The following HS3ST2 variants were observed in gnomAD, a reference collection of about 807,000 sequenced individuals.
The protein encoded by HS3ST2 is heparan sulfate glucosamine 3-O-sulfotransferase 2.
HS3ST2 carries 17 observed loss-of-function variants against 26.3 expected under a neutral mutation model. The observed-to-expected ratio is 0.65, with a 90% CI of 0.44 to 0.97. The LOEUF is 0.97. Among genes scored for constraint, HS3ST2 ranks in the 50% least tolerant of loss-of-function variants. The pLI, the probability that HS3ST2 is intolerant of heterozygous loss-of-function variation, is 0.00. For synonymous variants in HS3ST2, 237 were observed against 219.2 expected (o/e 1.08, Z -0.72); for missense variants, 402 against 501.2 (o/e 0.80, Z 1.89).
intron 1 of HS3ST2, among the ~76,000 whole-genome samples, chr16:22,846,160 C>T (rs1901429157): frequency 6.6e-6 from 1 of 151,960 alleles, no homozygotes; most frequent in South Asian, 2.1e-4. Context: ...GCCTGTAGTC[C>T]CAGCTACTTG....
chr16:22,849,495 A>G (rs1482171375), intron 1 of HS3ST2, among the ~76,000 whole-genome samples: 1 of 152,212 alleles, frequency 6.6e-6, no homozygotes, highest in Non-Finnish European at 1.5e-5. Context: ...GTTGTGCTGT[A>G]GTAACAACCA....
intron 1 of HS3ST2, among the ~76,000 whole-genome samples, chr16:22,900,200 G>C (rs1902264626): frequency 6.6e-6 from 1 of 152,204 alleles, no homozygotes; most frequent in African/African-American, 2.4e-5. Context: ...TCAGAGGAAG[G>C]ATAGAAAGCT....
intron 1 of HS3ST2, among the ~76,000 whole-genome samples, chr16:22,912,806 T>A (rs1902438991): frequency 6.6e-6 from 1 of 152,088 alleles, no homozygotes; most frequent in African/African-American, 2.4e-5. Context: ...GATGGTCACC[T>A]CGGGGCGTTG....
chr16:22,869,628 C>T (rs1239078695), intron 1 of HS3ST2, among the ~76,000 whole-genome samples: 1 of 152,118 alleles, frequency 6.6e-6, no homozygotes, highest in African/African-American at 2.4e-5. Flanking sequence ...AGAAACTCCC[C>T]CTTTTAAAAC....
At chr16:22,839,852 C>T (rs73543154) in intron 1 of HS3ST2, among the ~76,000 whole-genome samples, 2,439 of 152,192 alleles carry the variant, frequency 0.016, 69 homozygotes, top group African/African-American at 0.055. Context: ...ATCCTATTTC[C>T]GTGGAAGACG....
intron 1 of HS3ST2, among the ~76,000 whole-genome samples, chr16:22,876,783 G>A (rs1901925372): frequency 6.6e-6 from 1 of 152,146 alleles, no homozygotes; most frequent in Non-Finnish European, 1.5e-5. Flanking sequence ...TATATGCCAT[G>A]GAATACTACT....
intron 1 of HS3ST2, among the ~76,000 whole-genome samples, chr16:22,821,835 G>A (rs1004923789): frequency 1.3e-5 from 2 of 152,172 alleles, no homozygotes; most frequent in Non-Finnish European, 2.9e-5. Flanking sequence ...TTCTGAGGAA[G>A]TTATTATTAA....
chr16:22,895,842 C>T (rs1215122675), intron 1 of HS3ST2, among the ~76,000 whole-genome samples: 7 of 152,056 alleles, frequency 4.6e-5, no homozygotes, highest in Admixed American at 2.6e-4. Context: ...TTTTCTAATA[C>T]AGTAAATGAG....
chr16:22,842,089 T>C (rs1469692893), intron 1 of HS3ST2, among the ~76,000 whole-genome samples: 1 of 145,248 alleles, frequency 6.9e-6, no homozygotes, highest in Non-Finnish European at 1.5e-5. Context: ...TTTGAGACAG[T>C]ATCTTGCTGT....
chr16:22,915,408 C>T lies in HS3ST2; in HGVS notation c.950C>T (p.Thr317Ile), dbSNP rs1454817424. ...KTKGFPCLKK[T>I]ESSLLPRCLG... ...AAAGGATTCCCTTGCTTGAAAAAAA[C>T]AGAATCGAGCCTCCTGCCTCGATGC... The change falls in exon 2 of 2, where the codon ACA (threonine) becomes ATA (isoleucine). Residue 317 changes from threonine (T) to isoleucine (I), a missense_variant. Around this residue, in one of 2 missense-constraint regions of HS3ST2, gnomAD observed 237 missense variants for 346.6 expected, o/e 0.68. Transcript: ENST00000261374. 1.2e-6 allele frequency: 2 copies of T among 1,614,094 alleles called. No homozygotes were observed. The highest frequency in any genetic ancestry group is 1.7e-5 in the Admixed American group (1 of 60,014).
chr16:22,893,081 G>T (rs568477590), intron 1 of HS3ST2, among the ~76,000 whole-genome samples: 26 of 152,286 alleles, frequency 1.7e-4, no homozygotes, highest in Non-Finnish European at 3.2e-4. Context: ...TCTTTGCCTT[G>T]CCTAACTTTA....
rs575789563 is a variant in HS3ST2 at position 22,879,494 on chromosome 16, G to A, written c.486-35450G>A. Among the ~76,000 whole-genome samples, 11 of 152,292 alleles carry A rather than the reference G, an allele frequency of 7.2e-5. No individual in the cohort carries two copies. The South Asian group carries it at 2.3e-3, about 32-fold the overall frequency. On this transcript the variant is annotated intron_variant, in intron 1 of 1. Transcript: ENST00000261374. The stretch of plus-strand genomic sequence containing the variant: ...AAGGCAGAGGGTGGATGGGGTGGGG[G>A]TGATGAGCACACTCTGCTGGGGGGC...
At chr16:22,907,887 C>T (rs1902375572) in intron 1 of HS3ST2, among the ~76,000 whole-genome samples, 1 of 152,112 alleles carries the variant, frequency 6.6e-6, no homozygotes, top group South Asian at 2.1e-4. Context: ...CCTGTAATCC[C>T]AGCACTTTGG....
chr16:22,910,823 T>G (rs2141748986), intron 1 of HS3ST2, among the ~76,000 whole-genome samples: 1 of 151,774 alleles, frequency 6.6e-6, no homozygotes, highest in Middle Eastern at 3.4e-3. Flanking sequence ...TAAGCACAGG[T>G]GGATGGGTGA....
At chr16:22,877,639 A>G (rs1033842439) in intron 1 of HS3ST2, among the ~76,000 whole-genome samples, 2 of 152,118 alleles carry the variant, frequency 1.3e-5, no homozygotes, top group Admixed American at 6.6e-5. Context: ...TCCCTGACCT[A>G]CCCCTAACTC....
intron 1 of HS3ST2, among the ~76,000 whole-genome samples, chr16:22,906,596 G>C (rs943437531): frequency 6.6e-6 from 1 of 152,180 alleles, no homozygotes; most frequent in Admixed American, 6.5e-5. Context: ...GGCATGAGAC[G>C]TTCCTTTAAA....
At chr16:22,891,730 A>T (rs1338614115) in intron 1 of HS3ST2, among the ~76,000 whole-genome samples, 2 of 152,170 alleles carry the variant, frequency 1.3e-5, no homozygotes, top group Non-Finnish European at 2.9e-5. Flanking sequence ...TCCAGCCCTT[A>T]GCCCTTCAGT....
chr16:22,863,619 A>G (rs1901709489), intron 1 of HS3ST2, among the ~76,000 whole-genome samples: 1 of 152,024 alleles, frequency 6.6e-6, no homozygotes, highest in Admixed American at 6.6e-5. Context: ...TATTGTTACC[A>G]TTTGTATGTC....
Position 22,915,825 on chromosome 16 carries a change from C to T in HS3ST2, c.*263C>T. 2.0e-6 allele frequency: 1 copy of T among 489,280 alleles called. No homozygotes were observed. The highest frequency in any genetic ancestry group is 3.6e-6 in the Non-Finnish European group (1 of 277,042). The allele number at this position is 489,280 out of a possible 1,614,324, so 30.3% of individuals were successfully genotyped here. On this transcript the variant is annotated 3_prime_UTR_variant, in exon 2 of 2. Transcript: ENST00000261374. ...TTCCAGAATCATTCTCCTTTCTGCC[C>T]ATAAAGGGCCTTGGAGAATTGCTTT...
Sources: gnomAD v4.1 joint callset for allele counts (sites outside exome capture counted in the v4.1 genomes callset) on GRCh38, gnomAD v4.1.1 for gene constraint, gnomAD v4.1.1 regional missense constraint, MANE v1.5 for transcripts, NCBI Gene and HGNC (gene_info 2026-07-23, HGNC 2026-07-21) for gene names.